The following PCDHGA2 variants were observed in gnomAD, a reference collection of about 807,000 sequenced individuals.
PCDHGA2 encodes the protein protocadherin gamma subfamily A, 2.
In PCDHGA2, 40 loss-of-function variants were observed where a neutral mutation model predicts 59.2. The observed-to-expected ratio is 0.68, with a 90% CI of 0.52 to 0.88. The LOEUF (loss-of-function observed/expected upper bound fraction) is 0.88. Ranked by LOEUF, PCDHGA2 falls within the 40% of genes least tolerant of loss-of-function variation. The pLI is 0.00. For synonymous variants in PCDHGA2, 560 were observed against 526.0 expected, an observed-to-expected ratio of 1.06 and a Z score of -0.89; for missense variants, 1,226 against 1,204.0, an observed-to-expected ratio of 1.02 and a Z score of -0.27.
intron 1 of PCDHGA2, chr5:141,419,328 C>T (rs2096360351): frequency 6.2e-7 from 1 of 1,613,954 alleles, no homozygotes. Context: ...GTCTCCTACT[C>T]TCTCATTGCC....
intron 2 of PCDHGA2, among the ~76,000 whole-genome samples, chr5:141,504,997 AC>A (rs554150488): frequency 9.9e-5 from 15 of 152,238 alleles, no homozygotes; most frequent in African/African-American, 2.9e-4. Flanking sequence ...CCCCGTCTGT[AC>A]TAAAAATACA....
At chr5:141,494,654 G>A in intron 1 of PCDHGA2, 153 bp from the exon 2 acceptor site, 1 of 966,640 alleles carries the variant, frequency 1.0e-6, no homozygotes, top group South Asian at 4.8e-5. Context: ...GGTGTATTTT[G>A]TCTTTGGAGA....
intron 1 of PCDHGA2, chr5:141,415,740 G>GTTTTTTTTTTTTTTTTTTT (rs57426385): frequency 1.1e-5 from 7 of 625,046 alleles, no homozygotes; most frequent in Admixed American, 7.1e-5. Context: ...GTTTATTAAG[G>GTTTTTTTTTTTTTTTTTTT]TTTTTTTTTT....
At chr5:141,393,762 A>G (rs2092837336) in intron 1 of PCDHGA2, 1 of 1,613,940 alleles carries the variant, frequency 6.2e-7, no homozygotes, top group African/African-American at 1.3e-5. Context: ...ATTTTATGAA[A>G]TGGAAATACA....
At chr5:141,394,545 G>A in intron 1 of PCDHGA2, 1 of 1,614,164 alleles carries the variant, frequency 6.2e-7, no homozygotes, top group South Asian at 1.1e-5. Flanking sequence ...CGTGGAGCTG[G>A]CGCCCCGCTC....
At chr5:141,453,058 G>C (rs2098754889) in intron 1 of PCDHGA2, among the ~76,000 whole-genome samples, 2 of 152,076 alleles carry the variant, frequency 1.3e-5, no homozygotes, top group Admixed American at 1.3e-4. Flanking sequence ...TGCAGTTTTA[G>C]AGTTTTGCCA....
At chr5:141,365,311 T>C in intron 1 of PCDHGA2, 1 of 1,613,980 alleles carries the variant, frequency 6.2e-7, no homozygotes, top group Non-Finnish European at 8.5e-7. Flanking sequence ...GAGGCGCTCT[T>C]GTTGCCAGCG....
intron 1 of PCDHGA2, chr5:141,423,007 G>C (rs772337723): frequency 1.9e-6 from 3 of 1,614,242 alleles, no homozygotes; most frequent in Non-Finnish European, 2.5e-6. Flanking sequence ...CAAGGTGGTT[G>C]CGGTGGACAA....
At chr5:141,352,705 G>C in intron 1 of PCDHGA2, 1 of 1,545,256 alleles carries the variant, frequency 6.5e-7, no homozygotes, top group Non-Finnish European at 8.7e-7. Context: ...TTTTATATAT[G>C]GCGGCCGGGC....
chr5:141,339,366 G>T lies in PCDHGA2; in HGVS notation c.395G>T (p.Arg132Leu). 6.2e-7 allele frequency: 1 copy of T among 1,614,164 alleles called. No individual in the cohort carries two copies. The highest frequency in any genetic ancestry group is 1.1e-5 in the South Asian group (1 of 91,086). Residue 132 changes from arginine to leucine, a missense_variant, in exon 1 of 4, where the codon CGC becomes CTC. Coordinates refer to ENST00000394576, the MANE Select transcript of PCDHGA2 (RefSeq NM_018915.4). ...EITDINDNAPRFGVEELELKI... is the reference protein window; with the variant it reads ...EITDINDNAPLFGVEELELKI... ...ACAGATATTAACGATAATGCCCCTC[G>T]CTTTGGAGTAGAGGAACTGGAGCTA...
At chr5:141,350,630 A>G (rs761842386) in intron 1 of PCDHGA2, 6 of 1,613,930 alleles carry the variant, frequency 3.7e-6, no homozygotes, top group Non-Finnish European at 5.1e-6. Context: ...CCAAGATATT[A>G]ATGACAATGC....
intron 1 of PCDHGA2, chr5:141,344,683 G>A: frequency 1.2e-6 from 2 of 1,613,978 alleles, no homozygotes; most frequent in South Asian, 1.1e-5. Context: ...GCCTCTGATG[G>A]TGGCGACCCT....
chr5:141,478,392 A>T, intron 1 of PCDHGA2: 1 of 1,613,560 alleles, frequency 6.2e-7, no homozygotes, highest in East Asian at 2.2e-5. Flanking sequence ...CTTTACCATC[A>T]GGTGTATCTC....
chr5:141,418,867 A>T, intron 1 of PCDHGA2: 1 of 1,613,968 alleles, frequency 6.2e-7, no homozygotes, highest in Non-Finnish European at 8.5e-7. Context: ...TAATTGTAGA[A>T]GTTGTAGACG....
intron 1 of PCDHGA2, among the ~76,000 whole-genome samples, chr5:141,459,678 G>A (rs1240789253): frequency 2.0e-5 from 3 of 152,184 alleles, no homozygotes; most frequent in African/African-American, 7.2e-5. Flanking sequence ...CATGAGCAAT[G>A]CATAAAGCGT....
chr5:141,417,141 C>T (rs1455831459), intron 1 of PCDHGA2: 1 of 152,018 alleles, frequency 6.6e-6, no homozygotes, highest in Non-Finnish European at 1.5e-5. Context: ...ATGACTAGGG[C>T]AATGGTTGCA....
rs186000917 is a variant in PCDHGA2, at chr5:141,371,695, C to T, written c.2424+30300C>T. ...GACAAAGGCAATCCACCGCTCTCCT[C>T]CAGCAAGACCATCACTCTGCACATC... On this transcript the variant is annotated intron_variant, in intron 1 of 3. Transcript: ENST00000394576. The T allele has an allele frequency of 8.7e-6, 14 of 1,614,058 alleles. No individual in the cohort carries two copies. In the Admixed American group the frequency reaches 1.7e-4, roughly 19 times the overall value.
intron 1 of PCDHGA2, chr5:141,375,956 G>T: frequency 1.2e-6 from 2 of 1,613,506 alleles, no homozygotes; most frequent in Non-Finnish European, 1.7e-6. Flanking sequence ...GCACACGGGC[G>T]AGGTGCGCAC....
intron 1 of PCDHGA2, chr5:141,372,298 G>T (rs1768627083): frequency 6.2e-7 from 1 of 1,613,330 alleles, no homozygotes; most frequent in Non-Finnish European, 8.5e-7. Flanking sequence ...TTGGGCGACA[G>T]GGAGGCCGCC....
Sources: allele counts gnomAD v4.1 joint callset (sites outside exome capture counted in the v4.1 genomes callset), GRCh38; gene constraint gnomAD v4.1.1; transcripts MANE v1.5; gene names NCBI Gene and HGNC (gene_info 2026-07-23, HGNC 2026-07-21).